TMEM126B: variants seen among roughly 807,000 people sequenced by gnomAD.
TMEM126B encodes the protein transmembrane protein 126B.
A neutral mutation model predicts 16.5 loss-of-function variants in TMEM126B; 19 were observed. That is an observed-to-expected ratio of 1.15 (90% CI 0.80 to 1.69). The LOEUF is 1.69. TMEM126B is among the 40% of genes most tolerant of loss of function. TMEM126B has a pLI of 0.00. For synonymous variants in TMEM126B, 104 were observed against 93.2 expected, an observed-to-expected ratio of 1.12 and a Z score of -0.67; for missense variants, 293 against 278.7, an observed-to-expected ratio of 1.05 and a Z score of -0.37.
chr11:85,629,003 GTTA>G (rs1411502543), intron 1 of TMEM126B: 3 of 490,284 alleles, frequency 6.1e-6, no homozygotes, highest in Non-Finnish European at 1.2e-5. Flanking sequence ...TTCTCTTTCG[GTTA>G]TTGATTTAAA....
At chr11:85,634,009 A>G (rs1241691273) in intron 2 of TMEM126B, 77 bp from the exon 3 acceptor site, 15 of 982,016 alleles carry the variant, frequency 1.5e-5, no homozygotes, top group Non-Finnish European at 2.3e-5. Flanking sequence ...TTGATATGCA[A>G]TAACAACTTT....
At chr11:85,628,729 A>C in intron 1 of TMEM126B, 41 bp downstream of exon 1, 1 of 1,509,388 alleles carries the variant, frequency 6.6e-7, no homozygotes, top group Non-Finnish European at 8.9e-7. Context: ...TGATTTCTGC[A>C]CCTTCAAAGT....
Position 85,631,384 on chromosome 11 carries a change from A to G in TMEM126B, c.82-303A>G, listed in dbSNP as rs1260481826. The G allele has an allele frequency of 7.2e-6, 8 of 1,113,728 alleles. No individual in the cohort carries two copies. In the African/African-American group the frequency reaches 8.7e-5, roughly 12 times the overall value. 69.0% of individuals were successfully genotyped at this position (1,113,728 alleles called of 1,614,324 possible). On this transcript the variant is annotated intron_variant, in intron 1 of 4. Coordinates refer to ENST00000358867, the MANE Select transcript of TMEM126B (RefSeq NM_018480.7). ...TCAGACCTTCAGTTTGCTCATATGT[A>G]TAGAAATAATCATTATACTACCAAT... is the stretch of plus-strand genomic sequence containing the variant.
chr11:85,635,816 C>A, intron 4 of TMEM126B, 38 bp downstream of exon 4: 333 of 1,018,788 alleles, frequency 3.3e-4, no homozygotes, highest in Non-Finnish European at 3.9e-4. Context: ...CTTTTCTTTT[C>A]TTTTCTTTTT....
intron 3 of TMEM126B, chr11:85,635,182 G>A (rs1391405070): frequency 6.6e-6 from 1 of 152,464 alleles, no homozygotes; most frequent in African/African-American, 2.4e-5. Context: ...CAACACTTTG[G>A]GAGGCCAAGA....
At position 85,634,186 on chromosome 11, in the gene TMEM126B, G is replaced by C. The variant is rs2082356815; in HGVS notation, c.304G>C (p.Asp102His). The change falls in exon 3 of 5, where the codon GAT becomes CAT. Residue 102 changes from aspartate (D) to histidine (H), a missense_variant. By Grantham distance (81) the Asp-to-His change is moderately conservative. Coordinates refer to ENST00000358867, the MANE Select transcript of TMEM126B (RefSeq NM_018480.7). ...CAGACGCTGCTTCAAGGTTAAACAT[G>C]ATGCTTTGAAGACATATGCATCATT... The part of the protein sequence containing the change: ...LFRRCFKVKH[D>H]ALKTYASLAT... 4 of 1,613,738 alleles carry C rather than the reference G, an allele frequency of 2.5e-6. No individual in the cohort carries two copies. The highest frequency in any genetic ancestry group is 3.4e-6 in the Non-Finnish European group (4 of 1,179,798).
intron 1 of TMEM126B, among the ~76,000 whole-genome samples, chr11:85,629,743 T>C (rs539572235): frequency 2.0e-5 from 3 of 152,214 alleles, no homozygotes; most frequent in Non-Finnish European, 2.9e-5. Context: ...CTTAGTACAA[T>C]AGATGGGTTA....
intron 4 of TMEM126B, 121 bp from the exon 5 acceptor site, chr11:85,635,925 T>G (rs1006762060): frequency 3.7e-5 from 45 of 1,226,140 alleles, no homozygotes; most frequent in Non-Finnish European, 4.1e-5. Flanking sequence ...ATAGCTAACT[T>G]TTAACTTTTT....
At chr11:85,632,250 CT>C (rs971926160) in intron 2 of TMEM126B, among the ~76,000 whole-genome samples, 39 of 148,820 alleles carry the variant, frequency 2.6e-4, no homozygotes, top group Admixed American at 6.1e-4. Context: ...AACATATTGA[CT>C]TTTTTTTTTG....
At chr11:85,632,881 C>G (rs938929129) in intron 2 of TMEM126B, among the ~76,000 whole-genome samples, 5 of 151,930 alleles carry the variant, frequency 3.3e-5, no homozygotes, top group Non-Finnish European at 5.9e-5. Context: ...ATACATGTGC[C>G]ATGCTGGTGT....
At chr11:85,633,009 G>C (rs2082332004) in intron 2 of TMEM126B, among the ~76,000 whole-genome samples, 1 of 151,616 alleles carries the variant, frequency 6.6e-6, no homozygotes, top group Non-Finnish European at 1.5e-5. Context: ...GTGTCCATGT[G>C]TTCTCATTGT....
At chr11:85,633,315 C>T (rs1172752789) in intron 2 of TMEM126B, among the ~76,000 whole-genome samples, 6 of 152,124 alleles carry the variant, frequency 3.9e-5, no homozygotes, top group African/African-American at 7.2e-5. Flanking sequence ...TGGGTATATA[C>T]CCAGTAATGG....
Position 85,628,642 on chromosome 11 carries a change from C to G in TMEM126B, c.35C>G (p.Pro12Arg), listed in dbSNP as rs1212670424. 2.0e-6 allele frequency: 3 copies of G among 1,536,028 alleles called. No individual in the cohort carries two copies. The highest frequency in any genetic ancestry group is 1.4e-5 in the African/African-American group (1 of 73,056). The change falls in exon 1 of 5, where the codon CCA (proline) becomes CGA (arginine). Residue 12 changes from proline to arginine, a missense_variant. Coordinates refer to ENST00000358867, the MANE Select transcript of TMEM126B (RefSeq NM_018480.7). ...TTCGGGTATGAGGCTGGGACTAAGC[C>G]AAGGGATTCAGGTGTGGTGCCGGTG... is the stretch of plus-strand genomic sequence containing the variant. Reference protein sequence around the residue: ...VVFGYEAGTKPRDSGVVPVGT... With the variant: ...VVFGYEAGTKRRDSGVVPVGT...
chr11:85,629,010 A>T (rs191364095), intron 1 of TMEM126B: 84 of 488,596 alleles, frequency 1.7e-4, no homozygotes, highest in African/African-American at 1.5e-3. Flanking sequence ...TCGGTTATTG[A>T]TTTAAATGTC....
intron 3 of TMEM126B, chr11:85,634,546 T>C: frequency 2.9e-6 from 1 of 342,768 alleles, no homozygotes. Context: ...GAATTGGCTG[T>C]GGCATACAAC....
intron 1 of TMEM126B, chr11:85,629,201 G>C (rs2082189112): frequency 7.8e-7 from 1 of 1,288,442 alleles, no homozygotes; most frequent in Non-Finnish European, 1.0e-6. Flanking sequence ...TGATTACCCG[G>C]AGGTCTGGCA....
rs199516365 is a variant in TMEM126B, at chr11:85,634,010, TAAC to T, written c.204-72_204-70del. 1.2e-3 allele frequency: 1,220 copies of T among 1,008,774 alleles called. 13 individuals are homozygous for T. In the African/African-American group the frequency reaches 0.017, roughly 14 times the overall value. The allele number at this position is 1,008,774 out of a possible 1,614,324, so 62.5% of individuals were successfully genotyped here. On this transcript the variant is annotated intron_variant, in intron 2 of 4. Transcript: ENST00000358867. The stretch of plus-strand genomic sequence containing the variant: ...AGAAATATTTGATATTGATATGCAA[TAAC>T]AACTTTTCAGGAGAGGCTGTATCCA...
rs1013835025 is a variant in TMEM126B, at chr11:85,629,339, G to A, written c.81+651G>A. The stretch of plus-strand genomic sequence containing the variant: ...TGAAAGCACTACAAAACCGTTAGAT[G>A]ATTTGCAAACTATAAACCTACATAA... On this transcript the variant is annotated intron_variant, in intron 1 of 4. Transcript: ENST00000358867. 9 of 954,832 alleles carry A rather than the reference G, an allele frequency of 9.4e-6. No individual in the cohort carries two copies. In the African/African-American group the frequency reaches 1.2e-4, roughly 13 times the overall value. The allele number at this position is 954,832 out of a possible 1,614,324, so 59.1% of individuals were successfully genotyped here.
chr11:85,634,473 T>C (rs2082362543), intron 3 of TMEM126B, 194 bp downstream of exon 3: 1 of 496,112 alleles, frequency 2.0e-6, no homozygotes, highest in Non-Finnish European at 3.5e-6. Context: ...TTTTTATTTC[T>C]GTAGATAAGC....
Sources: allele counts gnomAD v4.1 joint callset (sites outside exome capture counted in the v4.1 genomes callset), GRCh38; gene constraint gnomAD v4.1.1; transcripts MANE v1.5; gene names NCBI Gene and HGNC (gene_info 2026-07-23, HGNC 2026-07-21).